Variants in GALNT13 observed in about 807,000 individuals in gnomAD.
The protein encoded by GALNT13 is UDP-GalNAc:polypeptide N-acetylgalactosaminyltransferase 13.
A neutral mutation model predicts 64.2 loss-of-function variants in GALNT13; 28 were observed. The observed-to-expected ratio is 0.44, with a 90% CI of 0.32 to 0.60. The LOEUF is 0.60. GALNT13 is among the 20% of genes least tolerant of loss of function. The pLI, the probability that GALNT13 is intolerant of heterozygous loss-of-function variation, is 0.05. For synonymous variants in GALNT13, 214 were observed against 224.6 expected (o/e 0.95, Z 0.42); for missense variants, 577 against 669.8 (o/e 0.86, Z 1.53).
chr2:154,355,603 A>G (rs1431846888), intron 9 of GALNT13, among the ~76,000 whole-genome samples: 1 of 152,054 alleles, frequency 6.6e-6, no homozygotes, highest in Non-Finnish European at 1.5e-5. Context: ...GTGCTGGGAA[A>G]AGTAAGTCAT....
chr2:153,636,632 C>G, the GALNT13 span, among the ~76,000 whole-genome samples: 2 of 152,026 alleles, frequency 1.3e-5, no homozygotes, highest in Admixed American at 1.3e-4. Context: ...ACTCAAGGAA[C>G]CTCTCATCAA....
At chr2:153,593,458 C>T in the GALNT13 span, among the ~76,000 whole-genome samples, 1 of 152,170 alleles carries the variant, frequency 6.6e-6, no homozygotes, top group African/African-American at 2.4e-5. Context: ...TCAGACACAC[C>T]TAGCCCTGCC....
chr2:153,327,032 C>T, the GALNT13 span, among the ~76,000 whole-genome samples: 3,381 of 151,836 alleles, frequency 0.022, 142 homozygotes, highest in African/African-American at 0.076. Context: ...TGCAGTGAGC[C>T]GAGATAGGGC....
the GALNT13 span, among the ~76,000 whole-genome samples, chr2:153,161,001 G>T: frequency 1.3e-5 from 2 of 152,122 alleles, no homozygotes; most frequent in African/African-American, 2.4e-5. Context: ...GGCTAGGCTA[G>T]CAGATAGATT....
At chr2:153,546,105 T>G in the GALNT13 span, among the ~76,000 whole-genome samples, 1 of 152,206 alleles carries the variant, frequency 6.6e-6, no homozygotes, top group African/African-American at 2.4e-5. Flanking sequence ...CCTCAGGAGA[T>G]AAGCCACAAA....
chr2:153,093,851 A>G, the GALNT13 span, among the ~76,000 whole-genome samples: 1 of 151,922 alleles, frequency 6.6e-6, no homozygotes, highest in African/African-American at 2.4e-5. Context: ...CTTCAATTTC[A>G]TTACTTTTTA....
the GALNT13 span, among the ~76,000 whole-genome samples, chr2:153,722,170 A>G: frequency 1.4e-5 from 2 of 146,000 alleles, 1 homozygote; most frequent in African/African-American, 5.3e-5. Flanking sequence ...AAGCCGCTCA[A>G]CTACATGGAA....
At chr2:154,300,759 T>A (rs1017086071) in intron 8 of GALNT13, among the ~76,000 whole-genome samples, 6 of 152,160 alleles carry the variant, frequency 3.9e-5, no homozygotes, top group Non-Finnish European at 8.8e-5. Context: ...TCTAAGAATT[T>A]ATAGTTTTAA....
intron 4 of GALNT13, among the ~76,000 whole-genome samples, chr2:154,200,811 T>C (rs2105778851): frequency 6.6e-6 from 1 of 152,238 alleles, no homozygotes; most frequent in East Asian, 1.9e-4. Flanking sequence ...AGAGGACACA[T>C]TCTGACTATG....
At chr2:154,016,665 C>T (rs1156953979) in intron 3 of GALNT13, among the ~76,000 whole-genome samples, 4 of 152,162 alleles carry the variant, frequency 2.6e-5, no homozygotes, top group African/African-American at 7.2e-5. Context: ...ATCCGCCTGC[C>T]TCAGCCTCCA....
chr2:154,155,944 A>G (rs560573221), intron 4 of GALNT13, among the ~76,000 whole-genome samples: 1 of 151,594 alleles, frequency 6.6e-6, no homozygotes, highest in African/African-American at 2.4e-5. Flanking sequence ...TATTTTCTAC[A>G]TATATTTATG....
chr2:153,795,506 T>G, the GALNT13 span, among the ~76,000 whole-genome samples: 1 of 151,208 alleles, frequency 6.6e-6, no homozygotes, highest in Non-Finnish European at 1.5e-5. Flanking sequence ...ATTTAGAAAA[T>G]CAAATCCCAG....
chr2:153,989,170 C>G (rs1267651365), intron 3 of GALNT13, among the ~76,000 whole-genome samples: 2 of 151,948 alleles, frequency 1.3e-5, no homozygotes, highest in East Asian at 1.9e-4. Context: ...TAAAGCAATA[C>G]TTTATGCAGC....
intron 3 of GALNT13, among the ~76,000 whole-genome samples, chr2:154,035,536 AT>A (rs1288507644): frequency 1.3e-5 from 2 of 152,058 alleles, no homozygotes; most frequent in African/African-American, 2.4e-5. Flanking sequence ...TTAATTAGTC[AT>A]TTTTTAAGTG....
chr2:153,132,618 T>A, the GALNT13 span, among the ~76,000 whole-genome samples: 1 of 152,312 alleles, frequency 6.6e-6, no homozygotes, highest in Non-Finnish European at 1.5e-5. Flanking sequence ...GTATATCGAT[T>A]CTCATGTCAG....
intron 3 of GALNT13, among the ~76,000 whole-genome samples, chr2:154,118,027 A>G (rs1026759285): frequency 1.3e-5 from 2 of 152,142 alleles, no homozygotes; most frequent in Non-Finnish European, 2.9e-5. Context: ...TGTCTGTTAG[A>G]TCCATTTTGT....
the GALNT13 span, among the ~76,000 whole-genome samples, chr2:153,450,496 C>G: frequency 6.6e-6 from 1 of 151,876 alleles, no homozygotes; most frequent in Non-Finnish European, 1.5e-5. Context: ...TCAGTAAAAT[C>G]TTTAATTGTT....
chr2:154,308,105 T>A (rs191316655), intron 9 of GALNT13, among the ~76,000 whole-genome samples: 77 of 152,180 alleles, frequency 5.1e-4, no homozygotes, highest in African/African-American at 1.7e-3. Flanking sequence ...CATATTAAAA[T>A]TAAATTTAAA....
the GALNT13 span, among the ~76,000 whole-genome samples, chr2:153,287,039 A>G: frequency 6.6e-6 from 1 of 152,358 alleles, no homozygotes; most frequent in East Asian, 1.9e-4. Flanking sequence ...AAAAGCACTC[A>G]CAAATTAAAA....
Sources: allele counts gnomAD v4.1 joint callset (sites outside exome capture counted in the v4.1 genomes callset), GRCh38; gene constraint gnomAD v4.1.1; transcripts MANE v1.5; gene names NCBI Gene and HGNC (gene_info 2026-07-23, HGNC 2026-07-21).